Variants in MARCHF8 observed in about 807,000 individuals in gnomAD.
MARCHF8 encodes the protein membrane associated ring-CH-type finger 8.
Under a neutral mutation model 51.6 loss-of-function variants are expected in MARCHF8, and 40 were observed. The observed-to-expected ratio is 0.77, with a 90% CI of 0.60 to 1.01. The LOEUF (loss-of-function observed/expected upper bound fraction) is 1.01. MARCHF8 is among the 50% of genes least tolerant of loss of function. MARCHF8 has a pLI of 0.00. For synonymous variants in MARCHF8, 263 were observed against 280.3 expected, an observed-to-expected ratio of 0.94 and a Z score of 0.62; for missense variants, 685 against 708.6, an observed-to-expected ratio of 0.97 and a Z score of 0.38.
intron 2 of MARCHF8, among the ~76,000 whole-genome samples, chr10:45,515,304 C>A (rs1363375046): frequency 6.6e-6 from 1 of 152,190 alleles, no homozygotes; most frequent in Non-Finnish European, 1.5e-5. Context: ...ACCTGTTTCC[C>A]ATAGCCGTCC....
chr10:45,480,407 A>G (rs1279157138), intron 3 of MARCHF8, among the ~76,000 whole-genome samples: 1 of 152,166 alleles, frequency 6.6e-6, no homozygotes, highest in Non-Finnish European at 1.5e-5. Context: ...TCAATGGGGG[A>G]AAATGTCTCA....
At chr10:45,517,535 C>G (rs565494640) in intron 2 of MARCHF8, among the ~76,000 whole-genome samples, 1 of 152,286 alleles carries the variant, frequency 6.6e-6, no homozygotes, top group East Asian at 1.9e-4. Context: ...TGCTCCTGCT[C>G]TCGCCATATG....
At chr10:45,547,556 G>A (rs1730620215) in intron 1 of MARCHF8, among the ~76,000 whole-genome samples, 1 of 152,164 alleles carries the variant, frequency 6.6e-6, no homozygotes, top group Non-Finnish European at 1.5e-5. Flanking sequence ...CACAACTTAT[G>A]CTTGACTAAA....
At chr10:45,536,088 T>A (rs1177725907), upstream of MARCHF8, among the ~76,000 whole-genome samples, 1 of 152,142 alleles carries the variant, frequency 6.6e-6, no homozygotes, top group Admixed American at 6.5e-5. Context: ...TTCAAGGGAC[T>A]CAGATCTGCC....
At chr10:45,570,946 G>GATATAT (rs149579345) in intron 1 of MARCHF8, among the ~76,000 whole-genome samples, 3 of 152,040 alleles carry the variant, frequency 2.0e-5, no homozygotes, top group African/African-American at 7.2e-5. Flanking sequence ...AGTAAATGAA[G>GATATAT]ATATATACCA....
intron 3 of MARCHF8, among the ~76,000 whole-genome samples, chr10:45,476,662 A>T (rs1589094308): frequency 6.6e-6 from 1 of 151,282 alleles, no homozygotes; most frequent in Admixed American, 6.6e-5. Context: ...ATACATTATA[A>T]AAAAAAAAAC....
intron 1 of MARCHF8, among the ~76,000 whole-genome samples, chr10:45,550,654 A>G (rs1365431205): frequency 6.6e-6 from 1 of 151,520 alleles, no homozygotes; most frequent in Non-Finnish European, 1.5e-5. Flanking sequence ...CAGGCAGGAC[A>G]AATCTTCTCA....
rs1369015995 is a variant in MARCHF8 at position 45,504,652 on chromosome 10, C to T, written c.103-15235G>A. On this transcript the variant is annotated intron_variant, in intron 2 of 7. Coordinates refer to ENST00000453424, the MANE Select transcript of MARCHF8 (RefSeq NM_001282866.2). ...CAGAATCTAACAACAAAACACCATA[C>T]AGTATGAATTTCATTCTTATACTGT... Among the ~76,000 whole-genome samples the T allele has an allele frequency of 2.0e-5, 3 of 152,164 alleles. No homozygotes were observed. In the South Asian group the frequency reaches 6.2e-4, roughly 32 times the overall value.
At chr10:45,557,640 C>T (rs1156683092) in intron 1 of MARCHF8, among the ~76,000 whole-genome samples, 1 of 152,108 alleles carries the variant, frequency 6.6e-6, no homozygotes, top group Non-Finnish European at 1.5e-5. Context: ...ACCTCCTGTG[C>T]AGAGGAAATG....
At chr10:45,576,997 T>C (rs970389566) in intron 1 of MARCHF8, among the ~76,000 whole-genome samples, 1 of 87,092 alleles carries the variant, frequency 1.1e-5, no homozygotes, top group Non-Finnish European at 2.6e-5. Flanking sequence ...AAAAGAAACT[T>C]AATTGCCAAT....
intron 2 of MARCHF8, among the ~76,000 whole-genome samples, chr10:45,494,204 T>C (rs2043132912): frequency 6.6e-6 from 1 of 152,228 alleles, no homozygotes; most frequent in African/African-American, 2.4e-5. Flanking sequence ...GTGCTGTCAA[T>C]GATGTTTTTC....
intron 2 of MARCHF8, among the ~76,000 whole-genome samples, chr10:45,495,176 TA>T (rs570805449): frequency 1.8e-3 from 274 of 152,172 alleles, no homozygotes; most frequent in African/African-American, 6.4e-3. Context: ...TTGGATTATG[TA>T]GGGTTTTATC....
intron 1 of MARCHF8, among the ~76,000 whole-genome samples, chr10:45,560,006 C>T (rs944527074): frequency 2.0e-5 from 3 of 152,108 alleles, no homozygotes; most frequent in African/African-American, 7.2e-5. Context: ...AGACAGGCAG[C>T]TGCTCCAAGG....
intron 2 of MARCHF8, among the ~76,000 whole-genome samples, chr10:45,498,425 C>T (rs1332813569): frequency 6.6e-6 from 1 of 152,032 alleles, no homozygotes; most frequent in East Asian, 1.9e-4. Context: ...TTGCGATTAG[C>T]TCACTTCACT....
At chr10:45,511,935 C>T (rs1589137642) in intron 2 of MARCHF8, among the ~76,000 whole-genome samples, 1 of 151,720 alleles carries the variant, frequency 6.6e-6, no homozygotes, top group Admixed American at 6.5e-5. Context: ...GCGCCTCTTC[C>T]TGGCCGCCAT....
intron 3 of MARCHF8, among the ~76,000 whole-genome samples, chr10:45,486,675 C>T (rs2042984954): frequency 6.6e-6 from 1 of 152,134 alleles, no homozygotes; most frequent in Admixed American, 6.5e-5. Context: ...CCTAAGGTCA[C>T]CAGGATTCAA....
chr10:45,571,535 G>A (rs1313059122), intron 1 of MARCHF8, among the ~76,000 whole-genome samples: 1 of 151,974 alleles, frequency 6.6e-6, no homozygotes, highest in Admixed American at 6.6e-5. Context: ...CTCACACAAA[G>A]CCTGTTTGGT....
At chr10:45,462,631 TTTG>T (rs952248939) in intron 5 of MARCHF8, among the ~76,000 whole-genome samples, 4 of 141,256 alleles carry the variant, frequency 2.8e-5, no homozygotes, top group African/African-American at 1.0e-4. Flanking sequence ...TTTGTTTTGT[TTTG>T]TTTTTTTTTA....
chr10:45,539,302 G>A (rs147140075), upstream of MARCHF8, among the ~76,000 whole-genome samples: 3,625 of 152,266 alleles, frequency 0.024, 132 homozygotes, highest in African/African-American at 0.078. Context: ...CAGAATCTCT[G>A]GGACACACTC....
Sources: allele counts gnomAD v4.1 joint callset (sites outside exome capture counted in the v4.1 genomes callset), GRCh38; gene constraint gnomAD v4.1.1; transcripts MANE v1.5; gene names NCBI Gene and HGNC (gene_info 2026-07-23, HGNC 2026-07-21).